Variants in CCDC7 observed in about 807,000 individuals in gnomAD.
The protein encoded by CCDC7 is coiled-coil domain-containing protein 7.
CCDC7 carries 183 observed loss-of-function variants against 196.9 expected under a neutral mutation model. The observed-to-expected ratio is 0.93, with a 90% CI of 0.82 to 1.05. The LOEUF (loss-of-function observed/expected upper bound fraction) is 1.05, where lower values mean the gene tolerates loss of function less well. CCDC7 is among the 50% of genes least tolerant of loss of function. The probability of loss-of-function intolerance (pLI) is 0.00; values close to 1 mark genes in which losing one functional copy is unlikely to be tolerated. For missense variants in CCDC7, 1,540 were observed against 1,482.2 expected (o/e 1.04, Z -0.64); for synonymous variants, 525 against 484.6 (o/e 1.08, Z -1.10).
At chr10:32,864,368 A>G (rs2094128768) in intron 41 of CCDC7, among the ~76,000 whole-genome samples, 1 of 151,710 alleles carries the variant, frequency 6.6e-6, no homozygotes, top group African/African-American at 2.4e-5. Context: ...AGAAGGGACA[A>G]TGCCTTTTTC....
intron 41 of CCDC7, among the ~76,000 whole-genome samples, chr10:32,870,001 T>G (rs2094366561): frequency 6.6e-6 from 1 of 152,126 alleles, no homozygotes; most frequent in South Asian, 2.1e-4. Flanking sequence ...ACTGTAGCCT[T>G]GTAGTATAGT....
intron 30 of CCDC7, among the ~76,000 whole-genome samples, chr10:32,807,411 AG>A (rs1228729142): frequency 1.3e-5 from 2 of 152,136 alleles, no homozygotes; most frequent in Non-Finnish European, 2.9e-5. Flanking sequence ...ATGACAAGAG[AG>A]GGGGCTCCAA....
chr10:32,780,241 C>T (rs1025357758), intron 29 of CCDC7, among the ~76,000 whole-genome samples: 6 of 151,852 alleles, frequency 4.0e-5, no homozygotes, highest in African/African-American at 1.5e-4. Flanking sequence ...GTCAAACAAA[C>T]AAAAAAACCC....
chr10:32,815,493 T>G (rs902178974), intron 31 of CCDC7, among the ~76,000 whole-genome samples: 3 of 152,108 alleles, frequency 2.0e-5, no homozygotes, highest in African/African-American at 7.2e-5. Context: ...AAGAAAAGAT[T>G]TGAAATGTCA....
chr10:32,498,717 C>T (rs531961976), intron 9 of CCDC7, among the ~76,000 whole-genome samples: 8 of 152,104 alleles, frequency 5.3e-5, no homozygotes, highest in Admixed American at 2.0e-4. Context: ...GGCCCCCAAT[C>T]TCTTCTGGCT....
chr10:32,664,765 A>G (rs12217475), intron 21 of CCDC7, among the ~76,000 whole-genome samples: 12,923 of 152,078 alleles, frequency 0.085, 835 homozygotes, highest in East Asian at 0.33. Context: ...GAGTAATGTT[A>G]CAGTGAACAT....
chr10:32,539,128 C>A (rs914193863), intron 11 of CCDC7, among the ~76,000 whole-genome samples: 1 of 152,006 alleles, frequency 6.6e-6, no homozygotes, highest in Non-Finnish European at 1.5e-5. Context: ...GGCTGTGAAT[C>A]TCTCTGGTCC....
chr10:32,810,373 T>C (rs2086819409), intron 30 of CCDC7, among the ~76,000 whole-genome samples: 1 of 152,124 alleles, frequency 6.6e-6, no homozygotes, highest in African/African-American at 2.4e-5. Context: ...TAGCTGTACT[T>C]ATTTCAGATA....
chr10:32,757,714 C>T (rs2076707403), intron 28 of CCDC7, among the ~76,000 whole-genome samples: 1 of 152,144 alleles, frequency 6.6e-6, no homozygotes, highest in Non-Finnish European at 1.5e-5. Flanking sequence ...AGAGCAAACA[C>T]ATTCAAAAGC....
intron 28 of CCDC7, among the ~76,000 whole-genome samples, chr10:32,754,182 G>A (rs187467942): frequency 1.4e-3 from 218 of 152,136 alleles, no homozygotes; most frequent in Middle Eastern, 0.014. Context: ...GACTTTTAAA[G>A]CTTAAAAGAA....
At chr10:32,451,581 T>A (rs138558761), upstream of CCDC7, 348 of 1,518,374 alleles carry the variant, frequency 2.3e-4, 1 homozygote, top group African/African-American at 4.3e-3. Context: ...ATCTCTTATT[T>A]TTTTTCACAG....
At chr10:32,834,169 A>T (rs1364120374) in intron 32 of CCDC7, among the ~76,000 whole-genome samples, 1 of 152,106 alleles carries the variant, frequency 6.6e-6, no homozygotes, top group East Asian at 1.9e-4. Flanking sequence ...CACCATCTAC[A>T]AAGTCTACAT....
At chr10:32,639,766 C>G (rs1407807741) in intron 20 of CCDC7, among the ~76,000 whole-genome samples, 1 of 151,860 alleles carries the variant, frequency 6.6e-6, no homozygotes, top group Non-Finnish European at 1.5e-5. Context: ...GTAGCTGGGA[C>G]TACAGGTGCC....
chr10:32,571,715 T>C (rs533915269), intron 15 of CCDC7, 144 bp from the exon 17 acceptor site: 49 of 649,534 alleles, frequency 7.5e-5, no homozygotes, highest in Admixed American at 1.3e-4. Context: ...TGCTAAAATA[T>C]GATAATTTCT....
At chr10:32,861,638 A>G (rs572515045) in intron 41 of CCDC7, among the ~76,000 whole-genome samples, 47 of 152,350 alleles carry the variant, frequency 3.1e-4, no homozygotes, top group African/African-American at 1.1e-3. Context: ...CAGGCAACCT[A>G]CAGAATGGGA....
chr10:32,628,310 A>G (rs2064339496), intron 18 of CCDC7, among the ~76,000 whole-genome samples: 1 of 151,762 alleles, frequency 6.6e-6, no homozygotes, highest in Admixed American at 6.6e-5. Context: ...ATTGGCATGT[A>G]ATTGTTTATA....
At chr10:32,609,418 A>G (rs1037704305) in intron 18 of CCDC7, among the ~76,000 whole-genome samples, 5 of 152,156 alleles carry the variant, frequency 3.3e-5, no homozygotes, top group Non-Finnish European at 7.3e-5. Flanking sequence ...TGATATAGAT[A>G]TAGCTGTTCT....
Position 32,633,708 on chromosome 10 carries a change from G to A in CCDC7, c.1802-546G>A, listed in dbSNP as rs1312236733. ...TATATATATATATATGTGTGTGTGT[G>A]TGTGTGTGTGTGTGTGTGTGTGTAT... is the stretch of plus-strand genomic sequence containing the variant. On this transcript the variant is annotated intron_variant, in intron 18 of 41. Transcript: ENST00000639629. Among the ~76,000 whole-genome samples the A allele has an allele frequency of 2.9e-3, 397 of 135,314 alleles. 3 individuals are homozygous for A. The highest frequency in any genetic ancestry group is 7.2e-3 in the Middle Eastern group (2 of 278). 88.8% of individuals were successfully genotyped at this position (135,314 alleles called of 152,430 possible).
chr10:32,664,138 C>A (rs1479961086), exon 21 of CCDC7: 1 of 396,096 alleles, frequency 2.5e-6, no homozygotes, highest in Non-Finnish European at 4.5e-6. Context: ...AAACAAAAAT[C>A]TTTCCAAGAT....
Sources: allele counts gnomAD v4.1 joint callset (sites outside exome capture counted in the v4.1 genomes callset), GRCh38; gene constraint gnomAD v4.1.1; transcripts MANE v1.5; gene names NCBI Gene and HGNC (gene_info 2026-07-23, HGNC 2026-07-21).